Variants in CNTN5 observed in about 807,000 individuals in gnomAD.
CNTN5 encodes contactin 5.
In CNTN5, 77 loss-of-function variants were observed where a neutral mutation model predicts 129.1. The observed-to-expected ratio is 0.60, with a 90% CI of 0.50 to 0.72. The LOEUF (loss-of-function observed/expected upper bound fraction) is 0.72. Among genes scored for constraint, CNTN5 ranks in the 30% least tolerant of loss-of-function variants. The probability of loss-of-function intolerance (pLI) is 0.00; values close to 1 mark genes in which losing one functional copy is unlikely to be tolerated. For synonymous variants in CNTN5, 509 were observed against 465.6 expected, an observed-to-expected ratio of 1.09 and a Z score of -1.20; for missense variants, 1,478 against 1,328.8, an observed-to-expected ratio of 1.11 and a Z score of -1.75.
intron 3 of CNTN5, among the ~76,000 whole-genome samples, chr11:99,763,830 A>G (rs1944664690): frequency 6.6e-6 from 1 of 152,052 alleles, no homozygotes; most frequent in South Asian, 2.1e-4. Flanking sequence ...ACCGTAAAAA[A>G]TCTCAAGCAT....
intron 2 of CNTN5, among the ~76,000 whole-genome samples, chr11:99,437,808 G>A (rs144611347): frequency 3.9e-5 from 6 of 152,248 alleles, no homozygotes; most frequent in Admixed American, 3.9e-4. Flanking sequence ...GGGCAAAAAA[G>A]CGAAACAACA....
chr11:99,949,207 A>G (rs908292007), intron 7 of CNTN5, among the ~76,000 whole-genome samples: 6 of 152,070 alleles, frequency 3.9e-5, no homozygotes, highest in African/African-American at 1.4e-4. Flanking sequence ...TATAAACCCA[A>G]TGAAAGACAA....
intron 1 of CNTN5, among the ~76,000 whole-genome samples, chr11:99,127,230 T>C (rs921947739): frequency 2.0e-5 from 3 of 152,180 alleles, no homozygotes; most frequent in African/African-American, 4.8e-5. Flanking sequence ...ATCCTTACCA[T>C]TGAAAAAGTA....
chr11:99,970,405 T>C (rs562469015), intron 8 of CNTN5, among the ~76,000 whole-genome samples: 4 of 152,254 alleles, frequency 2.6e-5, no homozygotes, highest in African/African-American at 4.8e-5. Flanking sequence ...ATTTGCCTAA[T>C]TTGGTTTAAA....
rs1443938679 is a variant in CNTN5, at chr11:99,523,674, C to T, written c.-70-32471C>T. On this transcript the variant is annotated intron_variant, in intron 2 of 24. Transcript: ENST00000524871. Reference sequence around the variant, plus strand: ...TAGAACAGAACAGATCAGAACAGAACAGAACAGAACAGAACAGAACAGAAT... The same window carrying T: ...TAGAACAGAACAGATCAGAACAGAATAGAACAGAACAGAACAGAACAGAAT... Among the ~76,000 whole-genome samples, 596 of 67,784 alleles carry T rather than the reference C, an allele frequency of 8.8e-3. 11 individuals carry two copies. The highest frequency in any genetic ancestry group is 0.039 in the African/African-American group (567 of 14,496). 44.5% of individuals were successfully genotyped at this position (67,784 alleles called of 152,430 possible). A position where few individuals can be genotyped will look rare whatever the true frequency, so the allele number is the denominator to read the frequency against.
intron 8 of CNTN5, among the ~76,000 whole-genome samples, chr11:99,987,944 G>A (rs181245833): frequency 1.3e-5 from 2 of 152,152 alleles, no homozygotes; most frequent in Non-Finnish European, 2.9e-5. Flanking sequence ...ATTTCACAAA[G>A]CACCAGGCTT....
chr11:99,724,832 A>G (rs1943285223), intron 3 of CNTN5, among the ~76,000 whole-genome samples: 1 of 152,210 alleles, frequency 6.6e-6, no homozygotes, highest in East Asian at 1.9e-4. Flanking sequence ...TTTGATGACA[A>G]AAGTAGGTTA....
chr11:99,356,371 A>C (rs12291361), intron 2 of CNTN5, among the ~76,000 whole-genome samples: 4,923 of 152,282 alleles, frequency 0.032, 264 homozygotes, highest in African/African-American at 0.11. Context: ...AGGCAGGAGG[A>C]AAAGCATAAT....
intron 8 of CNTN5, among the ~76,000 whole-genome samples, chr11:99,965,634 T>C (rs998485181): frequency 2.0e-5 from 3 of 152,054 alleles, no homozygotes; most frequent in Admixed American, 6.5e-5. Context: ...AATGTATATT[T>C]TGTTGATTTG....
intron 3 of CNTN5, among the ~76,000 whole-genome samples, chr11:99,580,743 A>G (rs1949552422): frequency 2.7e-5 from 4 of 145,838 alleles, no homozygotes; most frequent in South Asian, 2.3e-4. Flanking sequence ...TAGTCTTGCT[A>G]ACGGTCTATC....
chr11:99,355,825 T>G (rs867065686), intron 2 of CNTN5, among the ~76,000 whole-genome samples: 15 of 140,518 alleles, frequency 1.1e-4, no homozygotes, highest in African/African-American at 1.1e-4. Context: ...TTTTTTGTTT[T>G]TTTTTTTTTT....
intron 3 of CNTN5, among the ~76,000 whole-genome samples, chr11:99,623,744 AAAAT>A (rs1218811669): frequency 2.6e-5 from 4 of 151,538 alleles, no homozygotes; most frequent in East Asian, 1.9e-4. Context: ...AAAGATACAA[AAAAT>A]AAAAAAAAAA....
rs557872713 is a variant in CNTN5, at chr11:99,643,529, T to C, written c.55+87260T>C. The stretch of plus-strand genomic sequence containing the variant: ...CTTATCTCATAGGTTTGTTGAGTAT[T>C]ATATGAGTGAATGTACATATATTAT... On this transcript the variant is annotated intron_variant, in intron 3 of 24. Coordinates refer to ENST00000524871, the MANE Select transcript of CNTN5 (RefSeq NM_014361.4). Among the ~76,000 whole-genome samples the C allele has an allele frequency of 2.6e-5, 4 of 152,322 alleles. No individual in the cohort carries two copies. The South Asian group carries it at 8.3e-4, about 32-fold the overall frequency.
intron 6 of CNTN5, among the ~76,000 whole-genome samples, chr11:99,876,920 TAA>T (rs965838064): frequency 1.3e-5 from 2 of 152,322 alleles, no homozygotes; most frequent in Admixed American, 1.3e-4. Flanking sequence ...CCAAACTTCT[TAA>T]CTTTTGTGTG....
chr11:99,888,542 C>A (rs746879240), intron 6 of CNTN5, among the ~76,000 whole-genome samples: 9 of 152,096 alleles, frequency 5.9e-5, no homozygotes, highest in Non-Finnish European at 1.3e-4. Context: ...AGGGTACCAT[C>A]GGGGAAACAT....
rs189288034 is a variant in CNTN5, at chr11:100,072,084, C to T, written c.1429+250C>T. ...TTAATCTTAAAAGGTTTACACAATA[C>T]GTCTTTGCTATAGCACTTAAAAAAA... On this transcript the variant is annotated intron_variant, in intron 12 of 24. Transcript: ENST00000524871. Among the ~76,000 whole-genome samples the T allele has an allele frequency of 1.0e-3, 156 of 152,126 alleles. 1 individual carries two copies. The highest frequency in any genetic ancestry group is 1.8e-3 in the Non-Finnish European group (125 of 67,992).
intron 3 of CNTN5, among the ~76,000 whole-genome samples, chr11:99,794,411 G>C (rs1848843651): frequency 6.6e-6 from 1 of 151,974 alleles, no homozygotes; most frequent in African/African-American, 2.4e-5. Flanking sequence ...GGGGCATTTT[G>C]CCTGTTTACA....
Position 99,956,807 on chromosome 11 carries a change from G to C in CNTN5, c.675G>C (p.Glu225Asp), listed in dbSNP as rs1158063399. 2 of 1,613,004 alleles carry C rather than the reference G, an allele frequency of 1.2e-6. No homozygotes were observed. The highest frequency in any genetic ancestry group is 2.2e-5 in the East Asian group (1 of 44,860). ...TGACCAAATTTTGTGTATTTTCAGA[G>C]ATCATCTATAGCTGGGTATTTAATG... The part of the protein sequence containing the change: ...LMCSPPPHSP[E>D]IIYSWVFNEF... Residue 225 changes from glutamate to aspartate, a missense_variant and splice_region_variant, in exon 8 of 25, where the codon GAG becomes GAC. Transcript: ENST00000524871.
At chr11:99,462,803 G>T (rs1268304915) in intron 2 of CNTN5, among the ~76,000 whole-genome samples, 1 of 152,112 alleles carries the variant, frequency 6.6e-6, no homozygotes, top group Non-Finnish European at 1.5e-5. Flanking sequence ...AAATGCAATA[G>T]CTTCGGCACG....
Sources: gnomAD v4.1 joint callset for allele counts (sites outside exome capture counted in the v4.1 genomes callset) on GRCh38, gnomAD v4.1.1 for gene constraint, MANE v1.5 for transcripts, NCBI Gene and HGNC (gene_info 2026-07-23, HGNC 2026-07-21) for gene names.